Variants in CECR2 observed in about 807,000 individuals in gnomAD.
The protein encoded by CECR2 is CECR2 histone acetyl-lysine reader.
A neutral mutation model predicts 154.5 loss-of-function variants in CECR2; 30 were observed. The ratio of observed to expected loss-of-function variants is 0.19; its 90% CI spans 0.15 to 0.26. The LOEUF is 0.26. Ranked by LOEUF, CECR2 falls within the 10% of genes least tolerant of loss-of-function variation. The pLI is 1.00. For missense variants in CECR2, 1,743 were observed against 1,829.3 expected (o/e 0.95, Z 0.86); for synonymous variants, 725 against 683.7 (o/e 1.06, Z -0.94).
chr22:17,386,655 C>CTT (rs199708695), intron 1 of CECR2, among the ~76,000 whole-genome samples: 10 of 139,896 alleles, frequency 7.1e-5, no homozygotes, highest in African/African-American at 1.8e-4. Context: ...AGAAATGTGC[C>CTT]TTTTTTTTTT....
intron 1 of CECR2, among the ~76,000 whole-genome samples, chr22:17,413,391 G>A (rs566626584): frequency 1.3e-5 from 2 of 152,202 alleles, no homozygotes; most frequent in Non-Finnish European, 1.5e-5. Context: ...TTTGAGGCAC[G>A]TTCTTAATGT....
intron 9 of CECR2, among the ~76,000 whole-genome samples, chr22:17,524,513 C>G (rs1387316348): frequency 1.5e-5 from 2 of 135,590 alleles, no homozygotes; most frequent in African/African-American, 5.6e-5. Context: ...CTGCCTCAGC[C>G]TCCCAAGTAG....
chr22:17,422,097 T>A (rs1322283450), intron 1 of CECR2, among the ~76,000 whole-genome samples: 1 of 151,628 alleles, frequency 6.6e-6, no homozygotes, highest in Admixed American at 6.6e-5. Flanking sequence ...GAGAAGGTGT[T>A]TTTTTTTCCC....
At chr22:17,403,442 A>G (rs191637969) in intron 1 of CECR2, among the ~76,000 whole-genome samples, 4 of 152,300 alleles carry the variant, frequency 2.6e-5, no homozygotes, top group Non-Finnish European at 2.9e-5. Flanking sequence ...TAGTAGTAGA[A>G]TTGGAGTTAT....
chr22:17,549,308 G>A lies in CECR2; in HGVS notation c.4021G>A (p.Val1341Met), dbSNP rs1372165990. The A allele has an allele frequency of 6.2e-7, 1 of 1,613,976 alleles. No homozygotes were observed. Among genetic ancestry groups the A allele is most frequent in the Non-Finnish European group, 8.5e-7 (1 of 1,179,896 alleles). ...TTCATCTGCATTTCCACCCCACAGT[G>A]TGATGCTGCAGACGGGGCCTCCCTA... is the stretch of plus-strand genomic sequence containing the variant. ...FGSSAFPPHS[V>M]MLQTGPPYTP... The change falls in exon 17 of 19, where the codon GTG (valine) becomes ATG (methionine). Residue 1341 changes from valine to methionine, a missense_variant. This residue lies in a region of CECR2 where 1,250 missense variants were observed against 1,192.1 expected (regional missense o/e 1.05). Transcript: ENST00000262608.
chr22:17,534,947 A>G (rs1455885575), intron 9 of CECR2, among the ~76,000 whole-genome samples: 4 of 150,260 alleles, frequency 2.7e-5, no homozygotes, highest in African/African-American at 9.8e-5. Flanking sequence ...TCAGGAGATC[A>G]AGACCATCCT....
chr22:17,539,678 C>A (rs958866140), intron 13 of CECR2, among the ~76,000 whole-genome samples: 1 of 151,124 alleles, frequency 6.6e-6, no homozygotes, highest in African/African-American at 2.5e-5. Context: ...AAATATATAT[C>A]TATATATATA....
intron 2 of CECR2, among the ~76,000 whole-genome samples, chr22:17,492,402 C>CAG (rs1225396916): frequency 6.6e-6 from 1 of 152,170 alleles, no homozygotes; most frequent in Admixed American, 6.5e-5. Context: ...TTCCAGCCGG[C>CAG]AGAGGCTTGT....
At chr22:17,477,792 C>T (rs963988769) in intron 2 of CECR2, 110 bp downstream of exon 2, 11 of 772,798 alleles carry the variant, frequency 1.4e-5, no homozygotes, top group Middle Eastern at 2.2e-4. Flanking sequence ...TTAGGCATCA[C>T]GGGACACTGT....
At chr22:17,552,262 C>T in intron 18 of CECR2, 120 bp downstream of exon 18, 1 of 851,152 alleles carries the variant, frequency 1.2e-6, no homozygotes, top group Non-Finnish European at 1.8e-6. Flanking sequence ...AGGAACTTTG[C>T]CTGTATCGTG....
At chr22:17,402,179 T>C in intron 1 of CECR2, among the ~76,000 whole-genome samples, 1 of 152,118 alleles carries the variant, frequency 6.6e-6, no homozygotes, top group African/African-American at 2.4e-5. Flanking sequence ...GAGACGGGAT[T>C]TCACCATGTT....
In CECR2 at chr22:17,397,076, G is replaced by C. The variant is rs541744202; in HGVS notation, c.126+27167G>C. Among the ~76,000 whole-genome samples, 13 of 152,180 alleles carry C rather than the reference G, an allele frequency of 8.5e-5. No homozygotes were observed. In the East Asian group the frequency reaches 2.3e-3, roughly 27 times the overall value. On this transcript the variant is annotated intron_variant, in intron 1 of 18. Transcript: ENST00000262608. ...TTATACAGTGTTACATACAATGCAT[G>C]GGACATTCTCCACAGTGAAGAATTT...
chr22:17,541,843 C>G lies in CECR2; in HGVS notation c.1889C>G (p.Pro630Arg). Reference protein sequence around the residue: ...SQAPFLNQMRPAVPGTFGPLR... With the variant: ...SQAPFLNQMRRAVPGTFGPLR... ...GCTTTGTTCAATGTGCTGCAGAGGC[C>G]AGCAGTACCAGGAACATTTGGCCCT... Residue 630 changes from proline (P) to arginine (R), a missense_variant, in exon 15 of 19, where the codon CCA becomes CGA. Physicochemically the swap from Pro to Arg is moderately radical, Grantham distance 103. This residue lies in a region of CECR2 where 1,250 missense variants were observed against 1,192.1 expected (regional missense o/e 1.05). Coordinates refer to ENST00000262608, the MANE Select transcript of CECR2 (RefSeq NM_001290047.2). 2 of 1,612,970 alleles carry G rather than the reference C, an allele frequency of 1.2e-6. No homozygotes were observed. The highest frequency in any genetic ancestry group is 1.7e-6 in the Non-Finnish European group (2 of 1,179,380).
At chr22:17,501,374 C>G (rs374421206) in intron 5 of CECR2, among the ~76,000 whole-genome samples, 5 of 152,034 alleles carry the variant, frequency 3.3e-5, no homozygotes, top group Non-Finnish European at 7.4e-5. Flanking sequence ...CTGGCTAACA[C>G]GGTGAAACCC....
In CECR2 at chr22:17,542,444, T is replaced by C; in HGVS notation, c.2301T>C (p.Asn767=). 6.2e-7 allele frequency: 1 copy of C among 1,613,894 alleles called. No homozygotes were observed. The highest frequency in any genetic ancestry group is 8.5e-7 in the Non-Finnish European group (1 of 1,179,866). ...SHMYRSYKYL[N]RVHSAVWNGN... ...TGTATCGATCGTACAAGTACCTGAA[T>C]CGAGTACACTCTGCCGTCTGGAATG... is the stretch of plus-strand genomic sequence containing the variant. The change falls in exon 16 of 19, where the codon AAT becomes AAC. Residue 767 remains asparagine (N), a synonymous_variant. Coordinates refer to ENST00000262608, the MANE Select transcript of CECR2 (RefSeq NM_001290047.2).
intron 2 of CECR2, among the ~76,000 whole-genome samples, chr22:17,485,518 A>G (rs573632770): frequency 6.6e-6 from 1 of 152,334 alleles, no homozygotes; most frequent in South Asian, 2.1e-4. Flanking sequence ...CTGTAATCTC[A>G]ACACTCTTGG....
At chr22:17,401,082 T>C (rs978363089) in intron 1 of CECR2, among the ~76,000 whole-genome samples, 4 of 152,044 alleles carry the variant, frequency 2.6e-5, no homozygotes, top group Non-Finnish European at 4.4e-5. Flanking sequence ...GGGAGTCTTA[T>C]TCTTGCAGGA....
At chr22:17,446,844 A>C (rs111409542) in intron 1 of CECR2, among the ~76,000 whole-genome samples, 11,369 of 152,094 alleles carry the variant, frequency 0.075, 1,191 homozygotes, top group African/African-American at 0.24. Flanking sequence ...TGAGGTGGCC[A>C]GCTTTATTCC....
intron 1 of CECR2, among the ~76,000 whole-genome samples, chr22:17,439,758 A>G (rs1414487420): frequency 2.0e-5 from 3 of 152,210 alleles, no homozygotes; most frequent in African/African-American, 4.8e-5. Context: ...ATCAATGGGT[A>G]CAAAACAACT....
Sources: gnomAD v4.1 joint callset for allele counts (sites outside exome capture counted in the v4.1 genomes callset) on GRCh38, gnomAD v4.1.1 for gene constraint, gnomAD v4.1.1 regional missense constraint, MANE v1.5 for transcripts, NCBI Gene and HGNC (gene_info 2026-07-23, HGNC 2026-07-21) for gene names.